XXYLT1: variants seen among roughly 807,000 people sequenced by gnomAD.
The protein encoded by XXYLT1 is UDP-xylose:alpha-xyloside alpha-1,3-xylosyltransferase.
XXYLT1 carries 20 observed loss-of-function variants against 28.9 expected under a neutral mutation model. The ratio of observed to expected loss-of-function variants is 0.69; its 90% CI spans 0.49 to 1.00. XXYLT1 has a LOEUF of 1.00. XXYLT1 is among the 50% of genes least tolerant of loss of function. The pLI, the probability that XXYLT1 is intolerant of heterozygous loss-of-function variation, is 0.00. For synonymous variants in XXYLT1, 257 were observed against 253.8 expected (o/e 1.01, Z -0.12); for missense variants, 542 against 560.1 (o/e 0.97, Z 0.33).
chr3:195,256,642 C>A lies in XXYLT1; in HGVS notation c.504+13913G>T, dbSNP rs1442428439. ...AAGCCCCCAGCACTGTTTATACACG[C>A]CTGGAAGAGAACAGACTGTTACTCA... On this transcript the variant is annotated intron_variant, in intron 1 of 3. Transcript: ENST00000310380. This position sits in a 1 kb window ranked among gnomAD's most constrained non-coding sequence, Gnocchi z 4.2. The A allele has an allele frequency of 3.3e-6, 3 of 920,844 alleles. No homozygotes were observed. The highest frequency in any genetic ancestry group is 3.9e-6 in the Non-Finnish European group (3 of 771,086). 57.0% of individuals were successfully genotyped at this position (920,844 alleles called of 1,614,324 possible).
chr3:195,192,960 G>A (rs760332301), intron 2 of XXYLT1, among the ~76,000 whole-genome samples: 2 of 152,008 alleles, frequency 1.3e-5, no homozygotes, highest in Non-Finnish European at 2.9e-5. Context: ...CTATATACTA[G>A]CAACAAAACA....
At chr3:195,162,643 A>T (rs1720929374) in intron 2 of XXYLT1, among the ~76,000 whole-genome samples, 1 of 152,220 alleles carries the variant, frequency 6.6e-6, no homozygotes. Context: ...ATGAGAAGAC[A>T]CAGTTTTTGC....
chr3:195,244,855 AAAAAAAAAAC>A (rs773050604), intron 1 of XXYLT1, among the ~76,000 whole-genome samples: 130 of 148,846 alleles, frequency 8.7e-4, no homozygotes, highest in Non-Finnish European at 1.7e-3. Context: ...TGTCTCAAAA[AAAAAAAAAAC>A]AAAAAAAAAC....
At chr3:195,166,448 ACT>A (rs149270345) in intron 2 of XXYLT1, among the ~76,000 whole-genome samples, 4,286 of 152,220 alleles carry the variant, frequency 0.028, 204 homozygotes, top group African/African-American at 0.099. Context: ...AAACAAGGAC[ACT>A]CTCTTTCAGA....
At chr3:195,200,493 T>G (rs768374522) in intron 2 of XXYLT1, among the ~76,000 whole-genome samples, 2 of 152,134 alleles carry the variant, frequency 1.3e-5, no homozygotes, top group East Asian at 1.9e-4. Context: ...GGAAAATGCT[T>G]CTCCCAGTAC....
At chr3:195,143,823 TATATATAGATATAG>T (rs1719645354) in intron 3 of XXYLT1, among the ~76,000 whole-genome samples, 1 of 93,822 alleles carries the variant, frequency 1.1e-5, no homozygotes, top group East Asian at 7.2e-4. Flanking sequence ...TAGATATAGA[TATATATAGATATAG>T]ATATAGATAT....
chr3:195,114,222 C>A (rs1386250418), intron 3 of XXYLT1, among the ~76,000 whole-genome samples: 1 of 152,212 alleles, frequency 6.6e-6, no homozygotes, highest in Non-Finnish European at 1.5e-5. Context: ...GGGAAAGCTG[C>A]ATTGGGTGGC....
At chr3:195,119,222 TGCA>T (rs1477464851) in intron 3 of XXYLT1, among the ~76,000 whole-genome samples, 1 of 148,504 alleles carries the variant, frequency 6.7e-6, no homozygotes, top group Non-Finnish European at 1.5e-5. Flanking sequence ...AGGTGGAGGT[TGCA>T]GTGAGCCGAG....
At chr3:195,122,019 T>C (rs1175429370) in intron 3 of XXYLT1, 1 of 702,792 alleles carries the variant, frequency 1.4e-6, no homozygotes, top group Non-Finnish European at 2.6e-6. Flanking sequence ...AGAAGTCAAG[T>C]TCTTACAGTT....
rs1009134605 is a variant in XXYLT1 at position 195,133,499 on chromosome 3, A to G, written c.785+22950T>C. Among the ~76,000 whole-genome samples, 2 of 152,228 alleles carry G rather than the reference A, an allele frequency of 1.3e-5. No homozygotes were observed. The highest frequency in any genetic ancestry group is 2.4e-5 in the African/African-American group (1 of 41,458). Reference sequence around the variant, plus strand: ...ATGTGTCCCATAAGTGACAGCATCTATTGAACTCTAAAAATGAATGTGTCT... The same window carrying G: ...ATGTGTCCCATAAGTGACAGCATCTGTTGAACTCTAAAAATGAATGTGTCT... On this transcript the variant is annotated intron_variant, in intron 3 of 3. Coordinates refer to ENST00000310380, the MANE Select transcript of XXYLT1 (RefSeq NM_152531.5). This position sits in a 1 kb window ranked among gnomAD's most constrained non-coding sequence, Gnocchi z 4.4.
At chr3:195,204,441 GACACACACACGC>G (rs1722981332) in intron 2 of XXYLT1, among the ~76,000 whole-genome samples, 1 of 146,742 alleles carries the variant, frequency 6.8e-6, no homozygotes, top group African/African-American at 2.6e-5. Flanking sequence ...CTCTCTCCCT[GACACACACACGC>G]ACACACACAC....
intron 3 of XXYLT1, among the ~76,000 whole-genome samples, chr3:195,107,048 C>G (rs1318177471): frequency 2.0e-5 from 3 of 152,134 alleles, no homozygotes; most frequent in Non-Finnish European, 4.4e-5. Flanking sequence ...AAAATAAATC[C>G]CAAACACACA....
chr3:195,136,564 C>T (rs774754993), intron 3 of XXYLT1, among the ~76,000 whole-genome samples: 10 of 152,210 alleles, frequency 6.6e-5, no homozygotes, highest in Non-Finnish European at 1.5e-4. Context: ...AACTTAGTGT[C>T]TTCTACAAAA....
intron 3 of XXYLT1, among the ~76,000 whole-genome samples, chr3:195,138,487 C>T (rs1274260425): frequency 6.6e-6 from 1 of 152,168 alleles, no homozygotes; most frequent in Non-Finnish European, 1.5e-5. Context: ...CAGCTGGGTG[C>T]AGGCGGCCCT....
intron 1 of XXYLT1, among the ~76,000 whole-genome samples, chr3:195,239,605 AT>A (rs1467094188): frequency 2.0e-5 from 3 of 152,226 alleles, no homozygotes; most frequent in Non-Finnish European, 4.4e-5. Context: ...TGTAGGTTTT[AT>A]TAATTTGTTT....
chr3:195,194,493 G>A (rs1722546606), intron 2 of XXYLT1, among the ~76,000 whole-genome samples: 1 of 152,072 alleles, frequency 6.6e-6, no homozygotes, highest in Non-Finnish European at 1.5e-5. Flanking sequence ...ACAAGCACTT[G>A]AGAAAACAGG....
intron 2 of XXYLT1, among the ~76,000 whole-genome samples, chr3:195,202,038 G>A (rs1468198551): frequency 6.6e-6 from 1 of 152,084 alleles, no homozygotes; most frequent in Non-Finnish European, 1.5e-5. Flanking sequence ...TTAGCCAGGT[G>A]TGGTGGTGTG....
chr3:195,109,317 G>T (rs962308859), intron 3 of XXYLT1, among the ~76,000 whole-genome samples: 4 of 152,130 alleles, frequency 2.6e-5, no homozygotes, highest in Admixed American at 6.5e-5. Context: ...AACCAGGCCT[G>T]GCTCTCCCAA....
At chr3:195,218,541 G>A (rs1340062593) in intron 2 of XXYLT1, among the ~76,000 whole-genome samples, 1 of 150,972 alleles carries the variant, frequency 6.6e-6, no homozygotes, top group East Asian at 1.9e-4. Flanking sequence ...AGACATTTAT[G>A]CAGCCAAAAA....
Sources: gnomAD v4.1 joint callset for allele counts (sites outside exome capture counted in the v4.1 genomes callset) on GRCh38, gnomAD v4.1.1 for gene constraint, Gnocchi (gnomAD v3.1) non-coding constraint, MANE v1.5 for transcripts, NCBI Gene and HGNC (gene_info 2026-07-23, HGNC 2026-07-21) for gene names.